The following TLN2 variants were observed in gnomAD, a reference collection of about 807,000 sequenced individuals.
TLN2 encodes talin-2.
Under a neutral mutation model 294.7 loss-of-function variants are expected in TLN2, and 118 were observed. The observed-to-expected ratio is 0.40, with a 90% CI of 0.34 to 0.47. TLN2 has a LOEUF of 0.47. TLN2 is among the 20% of genes least tolerant of loss of function. TLN2 has a pLI of 0.84. For synonymous variants in TLN2, 1,431 were observed against 1,304.5 expected (o/e 1.10, Z -2.09); for missense variants, 3,083 against 3,282.2 (o/e 0.94, Z 1.48).
intron 32 of TLN2, among the ~76,000 whole-genome samples, chr15:62,742,325 C>A (rs1373503112): frequency 6.6e-6 from 1 of 152,066 alleles, no homozygotes; most frequent in East Asian, 1.9e-4. Context: ...AGAAAACCCC[C>A]TCTTGATCGT....
intron 1 of TLN2, among the ~76,000 whole-genome samples, chr15:62,557,235 C>T (rs1420357491): frequency 2.0e-5 from 3 of 152,062 alleles, no homozygotes; most frequent in African/African-American, 4.8e-5. Context: ...GTATGGAAGT[C>T]GTGTTCTCCA....
At chr15:62,813,647 T>C (rs747103422) in intron 52 of TLN2, among the ~76,000 whole-genome samples, 1 of 152,146 alleles carries the variant, frequency 6.6e-6, no homozygotes, top group Non-Finnish European at 1.5e-5. Flanking sequence ...GTAATGCTAT[T>C]GACAGGGCAA....
At chr15:62,440,506 G>A (rs997918336) in intron 1 of TLN2, among the ~76,000 whole-genome samples, 1 of 152,138 alleles carries the variant, frequency 6.6e-6, no homozygotes, top group Admixed American at 6.5e-5. Flanking sequence ...TTCTGTAATA[G>A]ACTCCTAACC....
chr15:62,792,204 CTA>C (rs926085453), intron 45 of TLN2, among the ~76,000 whole-genome samples: 1 of 152,118 alleles, frequency 6.6e-6, no homozygotes, highest in African/African-American at 2.4e-5. Flanking sequence ...TAATTACCCT[CTA>C]GAGCTATTTT....
chr15:62,569,007 C>A (rs1429420824), intron 1 of TLN2, among the ~76,000 whole-genome samples: 1 of 152,152 alleles, frequency 6.6e-6, no homozygotes, highest in Non-Finnish European at 1.5e-5. Flanking sequence ...CATGCTCCCT[C>A]CAAAGGCTCT....
At chr15:62,780,775 A>G (rs1471191806) in intron 43 of TLN2, among the ~76,000 whole-genome samples, 1 of 152,102 alleles carries the variant, frequency 6.6e-6, no homozygotes, top group Non-Finnish European at 1.5e-5. Flanking sequence ...GCGCTTCCCT[A>G]GAAGTGTCAG....
At chr15:62,710,833 C>A (rs1242603679) in intron 21 of TLN2, among the ~76,000 whole-genome samples, 1 of 139,998 alleles carries the variant, frequency 7.1e-6, no homozygotes, top group Non-Finnish European at 1.5e-5. Flanking sequence ...TCATGCCATT[C>A]TTCTGCCTTA....
Position 62,753,807 on chromosome 15 carries a change from G to A in TLN2, c.4367G>A (p.Ser1456Asn). 1 of 1,611,988 alleles carries A rather than the reference G, an allele frequency of 6.2e-7. No homozygotes were observed. The highest frequency in any genetic ancestry group is 8.5e-7 in the Non-Finnish European group (1 of 1,179,114). ...TTGGTTGGCATCTCTGATCCAAACA[G>A]CCAGGCAGGCCACCAGGGCCTGGTG... ...AYLVGISDPN[S>N]QAGHQGLVDP... Residue 1456 changes from serine to asparagine, a missense_variant, in exon 36 of 59, where the codon AGC (serine) becomes AAC (asparagine). By Grantham distance (46) the Ser-to-Asn change is conservative (BLOSUM62 1). Transcript: ENST00000636159.
intron 1 of TLN2, among the ~76,000 whole-genome samples, chr15:62,408,674 C>T (rs578075410): frequency 1.3e-5 from 2 of 152,204 alleles, no homozygotes; most frequent in East Asian, 3.9e-4. Context: ...GGTTATGTTT[C>T]TTAGAGTGTA....
At chr15:62,398,499 G>A (rs2032747425) in intron 1 of TLN2, among the ~76,000 whole-genome samples, 1 of 152,182 alleles carries the variant, frequency 6.6e-6, no homozygotes, top group South Asian at 2.1e-4. Context: ...GAACAGTTTG[G>A]AGGGCTCAGA....
chr15:62,791,000 G>A (rs911883671), intron 45 of TLN2, among the ~76,000 whole-genome samples: 1 of 152,174 alleles, frequency 6.6e-6, no homozygotes, highest in African/African-American at 2.4e-5. Flanking sequence ...CCCTGTGTAC[G>A]AAGGTGTATA....
chr15:62,608,086 C>G (rs1184719154), intron 2 of TLN2, among the ~76,000 whole-genome samples: 9 of 152,188 alleles, frequency 5.9e-5, no homozygotes, highest in Non-Finnish European at 1.0e-4. Flanking sequence ...AGTTGGTCTA[C>G]TACCCCCATC....
chr15:62,800,459 A>AC lies in TLN2; in HGVS notation c.6329dup (p.Ser2111PhefsTer29). 1 of 1,614,140 alleles carries AC rather than the reference A, an allele frequency of 6.2e-7. No individual in the cohort carries two copies. The highest frequency in any genetic ancestry group is 1.1e-5 in the South Asian group (1 of 91,080). On this transcript the variant is annotated frameshift_variant, in exon 49 of 59. Transcript: ENST00000636159. LOFTEE classifies it high-confidence loss of function. Reference sequence around the variant, plus strand: ...GGAGCTGCCAGCAAGCCAGTGGACGACCCTTCCATGTACCAGCTCAAGGGG... The same window carrying AC: ...GGAGCTGCCAGCAAGCCAGTGGACGACCCCTTCCATGTACCAGCTCAAGGGG...
chr15:62,497,270 C>G (rs893246152), intron 1 of TLN2, among the ~76,000 whole-genome samples: 14 of 152,158 alleles, frequency 9.2e-5, no homozygotes, highest in African/African-American at 3.1e-4. Context: ...TGTGTTTTCT[C>G]CATTCCTTCC....
At position 62,698,804 on chromosome 15, in the gene TLN2, C is replaced by T. The variant is rs200267233; in HGVS notation, c.1524C>T (p.Ala508=). The stretch of plus-strand genomic sequence containing the variant: ...GGACCATCAACACAAGCATGCACGC[C>T]GTCCAGCAGGCCCAGGATGATCTCA... ...LMGTINTSMH[A]VQQAQDDLSE... is the part of the protein sequence containing the mutation. Residue 508 remains alanine (A), a synonymous_variant, in exon 16 of 59, where the codon GCC becomes GCT. Transcript: ENST00000636159. The T allele has an allele frequency of 1.5e-4, 241 of 1,612,650 alleles. No homozygotes were observed. The highest frequency in any genetic ancestry group is 3.3e-5 in the South Asian group (3 of 91,074).
chr15:62,391,740 G>A (rs535651190), intron 1 of TLN2, among the ~76,000 whole-genome samples: 28 of 152,356 alleles, frequency 1.8e-4, no homozygotes, highest in African/African-American at 6.7e-4. Flanking sequence ...CCAGCCGGCG[G>A]GGCTTGGGAA....
At chr15:62,421,093 C>T (rs903101927) in intron 1 of TLN2, among the ~76,000 whole-genome samples, 1 of 152,078 alleles carries the variant, frequency 6.6e-6, no homozygotes, top group Non-Finnish European at 1.5e-5. Context: ...GTTGGTTTGG[C>T]GATAATTTCC....
chr15:62,760,695 C>T (rs185176170), intron 37 of TLN2, among the ~76,000 whole-genome samples: 99 of 152,284 alleles, frequency 6.5e-4, no homozygotes, highest in African/African-American at 2.3e-3. Flanking sequence ...AGCAGTCTAG[C>T]ATGGATCACA....
chr15:62,615,025 C>G (rs919074430), intron 2 of TLN2, among the ~76,000 whole-genome samples: 2 of 151,986 alleles, frequency 1.3e-5, no homozygotes, highest in Admixed American at 1.3e-4. Flanking sequence ...AGGTTGGTCT[C>G]GAACTCCTGA....
Sources: allele counts gnomAD v4.1 joint callset (sites outside exome capture counted in the v4.1 genomes callset), GRCh38; gene constraint gnomAD v4.1.1; transcripts MANE v1.5; gene names NCBI Gene and HGNC (gene_info 2026-07-23, HGNC 2026-07-21).